RIN2: variants seen among roughly 807,000 people sequenced by gnomAD.
RIN2 encodes RAB5 interacting protein 2.
RIN2 carries 36 observed loss-of-function variants against 78.0 expected under a neutral mutation model. The observed-to-expected ratio is 0.46, with a 90% CI of 0.35 to 0.61. RIN2 has a LOEUF of 0.61. RIN2 is among the 20% of genes least tolerant of loss of function. The pLI is 0.00. For synonymous variants in RIN2, 466 were observed against 466.8 expected (o/e 1.00, Z 0.02); for missense variants, 1,087 against 1,159.7 (o/e 0.94, Z 0.91).
intron 3 of RIN2, among the ~76,000 whole-genome samples, chr20:19,933,955 C>T (rs974841235): frequency 1.2e-4 from 19 of 152,032 alleles, no homozygotes; most frequent in Middle Eastern, 3.2e-3. Flanking sequence ...ACTACAGGCA[C>T]GCACCACCAC....
Position 19,935,204 on chromosome 20 carries a change from C to CAT in RIN2, c.158+5_158+6insAT. 6.3e-7 allele frequency: 1 copy of CAT among 1,590,582 alleles called. No individual in the cohort carries two copies. The highest frequency in any genetic ancestry group is 8.6e-7 in the Non-Finnish European group (1 of 1,168,048). ...GGAACCCGCTGAAACCCACAGGTGACCAGAGACACGGTTAGGTGATGGGTG... is the reference window on the plus strand; with the variant it reads ...GGAACCCGCTGAAACCCACAGGTGACATCAGAGACACGGTTAGGTGATGGGTG... On this transcript the variant is annotated splice_donor_region_variant and intron_variant, in intron 4 of 12. Coordinates refer to ENST00000255006, the MANE Select transcript of RIN2 (RefSeq NM_018993.4).
intron 11 of RIN2, among the ~76,000 whole-genome samples, chr20:19,995,272 A>AC (rs1555811995): frequency 1.3e-5 from 2 of 151,446 alleles, no homozygotes; most frequent in East Asian, 3.9e-4. Context: ...AAAAAAAAAA[A>AC]AAAAAACAAA....
chr20:19,819,225 T>G (rs2122881909), intron 2 of RIN2, among the ~76,000 whole-genome samples: 1 of 152,324 alleles, frequency 6.6e-6, no homozygotes, highest in Non-Finnish European at 1.5e-5. Context: ...AAGGTCCAGG[T>G]GCCAGCATGG....
At chr20:19,770,873 A>ACC (rs57943156) in intron 1 of RIN2, among the ~76,000 whole-genome samples, 7 of 114,836 alleles carry the variant, frequency 6.1e-5, no homozygotes, top group Non-Finnish European at 1.2e-4. Flanking sequence ...GACTGCCCCC[A>ACC]CCCCCCCCCC....
intron 2 of RIN2, among the ~76,000 whole-genome samples, chr20:19,805,194 A>T (rs1164085843): frequency 6.6e-6 from 1 of 152,144 alleles, no homozygotes; most frequent in Non-Finnish European, 1.5e-5. Context: ...GGGTATTTAT[A>T]TGGGCAGGGA....
chr20:19,964,785 C>T (rs546225766), intron 6 of RIN2, among the ~76,000 whole-genome samples, 167 bp from the exon 7 acceptor site: 7 of 152,176 alleles, frequency 4.6e-5, no homozygotes, highest in Non-Finnish European at 8.8e-5. Context: ...GACTGTTTAC[C>T]GGTGGCTGCT....
intron 2 of RIN2, among the ~76,000 whole-genome samples, chr20:19,883,156 A>G (rs2038077720): frequency 6.6e-6 from 1 of 152,148 alleles, no homozygotes; most frequent in African/African-American, 2.4e-5. Flanking sequence ...AGTTGAGTCC[A>G]TCAGCCCTGA....
At chr20:19,765,454 G>T (rs992182385) in intron 1 of RIN2, among the ~76,000 whole-genome samples, 1 of 152,160 alleles carries the variant, frequency 6.6e-6, no homozygotes, top group Non-Finnish European at 1.5e-5. Flanking sequence ...CTGCTGGGAG[G>T]TGTGGGACCT....
intron 2 of RIN2, among the ~76,000 whole-genome samples, chr20:19,863,078 T>A (rs1257745096): frequency 6.6e-6 from 1 of 152,156 alleles, no homozygotes; most frequent in Non-Finnish European, 1.5e-5. Context: ...CTCATATACA[T>A]CTTATTGCTT....
intron 8 of RIN2, among the ~76,000 whole-genome samples, chr20:19,973,253 T>C (rs1473688511): frequency 6.6e-6 from 1 of 152,230 alleles, no homozygotes. Flanking sequence ...TCGGTTGTAC[T>C]AGCCAACTTC....
intron 2 of RIN2, among the ~76,000 whole-genome samples, chr20:19,865,785 C>T (rs2037488001): frequency 6.6e-6 from 1 of 151,982 alleles, no homozygotes; most frequent in Non-Finnish European, 1.5e-5. Context: ...AGCCACCATG[C>T]CTGACCAAAA....
chr20:19,802,874 T>C (rs540642146), intron 2 of RIN2, among the ~76,000 whole-genome samples: 4 of 152,278 alleles, frequency 2.6e-5, no homozygotes, highest in African/African-American at 7.2e-5. Context: ...TTGGAAACAA[T>C]GTATCCTCTC....
At chr20:19,983,045 T>A (rs913142112) in intron 9 of RIN2, among the ~76,000 whole-genome samples, 32 of 152,158 alleles carry the variant, frequency 2.1e-4, no homozygotes, top group African/African-American at 7.5e-4. Context: ...CACACTCAAA[T>A]CCTTGTCTCA....
intron 2 of RIN2, among the ~76,000 whole-genome samples, chr20:19,844,952 C>A (rs1474921293): frequency 6.6e-6 from 1 of 151,788 alleles, no homozygotes; most frequent in Non-Finnish European, 1.5e-5. Flanking sequence ...TCTTGTTGTT[C>A]AACTCCCACT....
intron 2 of RIN2, among the ~76,000 whole-genome samples, chr20:19,862,535 G>A (rs1379841808): frequency 1.3e-5 from 2 of 152,218 alleles, no homozygotes; most frequent in Non-Finnish European, 2.9e-5. Flanking sequence ...AGAGGTTGCG[G>A]TGAGCCAATA....
chr20:19,789,586 T>C (rs1468039784), intron 1 of RIN2, among the ~76,000 whole-genome samples: 1 of 152,224 alleles, frequency 6.6e-6, no homozygotes, highest in Non-Finnish European at 1.5e-5. Flanking sequence ...TTGGGCATTT[T>C]ACCTATTTGT....
intron 4 of RIN2, among the ~76,000 whole-genome samples, chr20:19,936,266 A>T (rs777854541): frequency 6.6e-6 from 1 of 152,196 alleles, no homozygotes; most frequent in Non-Finnish European, 1.5e-5. Flanking sequence ...TCCTTGCAGC[A>T]CACCCAGCAT....
At chr20:20,000,317 C>T (rs1291953167) in intron 12 of RIN2, among the ~76,000 whole-genome samples, 1 of 152,176 alleles carries the variant, frequency 6.6e-6, no homozygotes, top group African/African-American at 2.4e-5. Flanking sequence ...GTGGTTCACA[C>T]TCTTAAGCAG....
At chr20:19,830,750 C>T (rs1167095214) in intron 2 of RIN2, among the ~76,000 whole-genome samples, 2 of 152,318 alleles carry the variant, frequency 1.3e-5, no homozygotes, top group Middle Eastern at 3.4e-3. Context: ...GGAGTGCTGA[C>T]CATGGGGAGT....
Sources: gnomAD v4.1 joint callset for allele counts (sites outside exome capture counted in the v4.1 genomes callset) on GRCh38, gnomAD v4.1.1 for gene constraint, MANE v1.5 for transcripts, NCBI Gene and HGNC (gene_info 2026-07-23, HGNC 2026-07-21) for gene names.